Variants in PDE10A observed in about 807,000 individuals in gnomAD.
PDE10A encodes the protein cAMP and cAMP-inhibited cGMP 3',5'-cyclic phosphodiesterase 10A.
PDE10A carries 39 observed loss-of-function variants against 97.7 expected under a neutral mutation model. That is an observed-to-expected ratio of 0.40 (90% CI 0.31 to 0.52). The LOEUF is 0.52. Ranked by LOEUF, PDE10A falls within the 20% of genes least tolerant of loss-of-function variation. The probability of loss-of-function intolerance (pLI) is 0.56; values close to 1 mark genes in which losing one functional copy is unlikely to be tolerated. For missense variants in PDE10A, 731 were observed against 1,047.8 expected, an observed-to-expected ratio of 0.70 and a Z score of 4.17; for synonymous variants, 371 against 376.8, an observed-to-expected ratio of 0.98 and a Z score of 0.18.
chr6:165,450,174 G>T (rs2128249488), intron 4 of PDE10A, 68 bp downstream of exon 4: 3 of 1,163,400 alleles, frequency 2.6e-6, no homozygotes, highest in Non-Finnish European at 3.6e-6. Flanking sequence ...TTAGTAAGTA[G>T]TTTTTGCTGC....
chr6:165,727,008 G>T (rs1011877443), intron 1 of PDE10A, among the ~76,000 whole-genome samples: 5 of 152,158 alleles, frequency 3.3e-5, no homozygotes, highest in African/African-American at 9.6e-5. Flanking sequence ...CCCTCCTCGC[G>T]TGGGGGGTTC....
chr6:165,585,229 T>C (rs778197267), intron 1 of PDE10A, among the ~76,000 whole-genome samples: 1 of 152,226 alleles, frequency 6.6e-6, no homozygotes, highest in African/African-American at 2.4e-5. Flanking sequence ...TGTGGAAATA[T>C]GACTTTATGG....
At position 165,392,781 on chromosome 6, in the gene PDE10A, C is replaced by A. The variant is rs1229026933; in HGVS notation, c.2319G>T (p.Lys773Asn). 6 of 1,614,006 alleles carry A rather than the reference C, an allele frequency of 3.7e-6. No homozygotes were observed. Among genetic ancestry groups the A allele is most frequent in the Middle Eastern group, 3.3e-4 (2 of 6,060 alleles). The change falls in exon 16 of 22, where the codon AAG (lysine) becomes AAT (asparagine). Residue 773 changes from lysine to asparagine, a missense_variant. Around this residue, in one of 8 missense-constraint regions of PDE10A, gnomAD observed 131 missense variants for 187.4 expected, o/e 0.70. Transcript: ENST00000539869. Reference sequence around the variant, plus strand: ...TCACAGACATAATAAAACGACACAACTTTTCAAGCTCAAAGCTGCATGGAA... The same window carrying A: ...TCACAGACATAATAAAACGACACAAATTTTCAAGCTCAAAGCTGCATGGAA... The part of the protein sequence containing the change: ...SCGTSCFELE[K>N]LCRFIMSVKK...
At chr6:165,797,038 T>TA (rs745914342) in intron 1 of PDE10A, among the ~76,000 whole-genome samples, 3 of 152,282 alleles carry the variant, frequency 2.0e-5, no homozygotes, top group Non-Finnish European at 4.4e-5. Context: ...AATGGAGTCT[T>TA]ACCAATAATT....
intron 1 of PDE10A, among the ~76,000 whole-genome samples, chr6:165,591,547 T>C (rs1443679589): frequency 6.6e-6 from 1 of 152,228 alleles, no homozygotes; most frequent in African/African-American, 2.4e-5. Context: ...TCACCAGAGA[T>C]TTGAACCTCC....
At chr6:165,693,528 CAAAAAA>C (rs55830575) in intron 1 of PDE10A, among the ~76,000 whole-genome samples, 1 of 56,732 alleles carries the variant, frequency 1.8e-5, no homozygotes, top group Non-Finnish European at 3.3e-5. Context: ...GAGGCTCCAC[CAAAAAA>C]AAAAAAAAAA....
chr6:165,599,537 C>G (rs1786809931), intron 1 of PDE10A, among the ~76,000 whole-genome samples: 1 of 152,174 alleles, frequency 6.6e-6, no homozygotes, highest in Non-Finnish European at 1.5e-5. Context: ...CATCACTTAA[C>G]CCAGGACAAT....
At chr6:165,568,504 G>A (rs1381573603) in intron 1 of PDE10A, among the ~76,000 whole-genome samples, 2 of 152,108 alleles carry the variant, frequency 1.3e-5, no homozygotes, top group South Asian at 2.1e-4. Flanking sequence ...TCCCAACCAG[G>A]ACATGAATTC....
intron 1 of PDE10A, among the ~76,000 whole-genome samples, chr6:165,837,771 C>T (rs1456298704): frequency 6.6e-6 from 1 of 151,332 alleles, no homozygotes; most frequent in Non-Finnish European, 1.5e-5. Flanking sequence ...CTGCAAGCTC[C>T]GCCTCCCAGG....
At chr6:165,632,950 G>A (rs1486357939) in intron 1 of PDE10A, among the ~76,000 whole-genome samples, 10 of 152,068 alleles carry the variant, frequency 6.6e-5, no homozygotes, top group Non-Finnish European at 1.5e-5. Flanking sequence ...CCTCCCAATG[G>A]AGGGGGCATG....
chr6:165,642,394 G>A lies in PDE10A; in HGVS notation c.865+19553C>T, dbSNP rs149389800. Among the ~76,000 whole-genome samples the A allele has an allele frequency of 7.8e-3, 1,185 of 152,306 alleles. 6 individuals carry two copies. Among genetic ancestry groups the A allele is most frequent in the Middle Eastern group, 0.017 (5 of 294 alleles). On this transcript the variant is annotated intron_variant, in intron 1 of 21. Coordinates refer to ENST00000539869, the MANE Select transcript of PDE10A (RefSeq NM_001385079.1). ...TGTGCACCACCCTATCGACACATAG[G>A]AGGCACTCAACAAAGGACTCAGGCT...
At chr6:165,368,994 T>C (rs1408375412) in intron 18 of PDE10A, among the ~76,000 whole-genome samples, 1 of 151,796 alleles carries the variant, frequency 6.6e-6, no homozygotes, top group African/African-American at 2.4e-5. Flanking sequence ...TCTAGCAAAC[T>C]CCAACAGACC....
At chr6:165,865,546 A>G (rs899611148) in intron 1 of PDE10A, among the ~76,000 whole-genome samples, 19 of 152,188 alleles carry the variant, frequency 1.2e-4, no homozygotes, top group African/African-American at 4.6e-4. Context: ...GCCAAAAACC[A>G]AATCATGATC....
intron 1 of PDE10A, among the ~76,000 whole-genome samples, chr6:165,926,634 C>T (rs1049712467): frequency 6.6e-6 from 1 of 152,214 alleles, no homozygotes; most frequent in African/African-American, 2.4e-5. Context: ...CTTCCAGCCA[C>T]TGGCAATTAG....
At chr6:165,859,578 C>G (rs1780842860) in intron 1 of PDE10A, among the ~76,000 whole-genome samples, 1 of 152,254 alleles carries the variant, frequency 6.6e-6, no homozygotes, top group Admixed American at 6.5e-5. Context: ...CCTGCCCTCT[C>G]TGGGCACGCC....
At position 165,577,333 on chromosome 6, in the gene PDE10A, G is replaced by A. The variant is rs993687362; in HGVS notation, c.866-33765C>T. 5.3e-5 allele frequency among the ~76,000 whole-genome samples: 8 copies of A among 152,212 alleles called. 2 individuals are homozygous for A. Among genetic ancestry groups the A allele is most frequent in the Admixed American group, 5.2e-4 (8 of 15,300 alleles). On this transcript the variant is annotated intron_variant, in intron 1 of 21. Coordinates refer to ENST00000539869, the MANE Select transcript of PDE10A (RefSeq NM_001385079.1). ...TCTCAGAAGTACTCTCCTGGGGGAC[G>A]TGGAGTGATCCTTGGGCCCAAAAGT... is the stretch of plus-strand genomic sequence containing the variant.
At chr6:165,612,223 C>T (rs982912354) in intron 1 of PDE10A, among the ~76,000 whole-genome samples, 1 of 152,180 alleles carries the variant, frequency 6.6e-6, no homozygotes, top group East Asian at 1.9e-4. Flanking sequence ...TCCTATTACT[C>T]CAAACTATGG....
At chr6:165,938,881 T>A (rs544016280) in intron 1 of PDE10A, among the ~76,000 whole-genome samples, 138 of 152,282 alleles carry the variant, frequency 9.1e-4, no homozygotes, top group African/African-American at 3.2e-3. Context: ...AGAAATAAAA[T>A]TCTATTTGGA....
intron 3 of PDE10A, among the ~76,000 whole-genome samples, chr6:165,463,611 G>A (rs943019925): frequency 1.5e-4 from 23 of 152,186 alleles, no homozygotes; most frequent in African/African-American, 3.1e-4. Flanking sequence ...GTAGCTGACC[G>A]TCACAAAGCT....
Sources: allele counts gnomAD v4.1 joint callset (sites outside exome capture counted in the v4.1 genomes callset), GRCh38; gene constraint gnomAD v4.1.1; regional missense constraint gnomAD v4.1.1; transcripts MANE v1.5; gene names NCBI Gene and HGNC (gene_info 2026-07-23, HGNC 2026-07-21).